Variants in GREB1L observed in about 807,000 individuals in gnomAD.
GREB1L encodes the protein GREB1 like retinoic acid receptor coactivator.
A neutral mutation model predicts 200.8 loss-of-function variants in GREB1L; 17 were observed. The ratio of observed to expected loss-of-function variants is 0.08; its 90% CI spans 0.06 to 0.13. The LOEUF is 0.13. Among genes scored for constraint, GREB1L ranks in the 10% least tolerant of loss-of-function variants. The pLI is 1.00. For synonymous variants in GREB1L, 789 were observed against 893.0 expected, an observed-to-expected ratio of 0.88 and a Z score of 2.08; for missense variants, 1,657 against 2,367.7, an observed-to-expected ratio of 0.70 and a Z score of 6.23.
intron 1 of GREB1L, among the ~76,000 whole-genome samples, chr18:21,322,679 A>G (rs1031256613): frequency 6.6e-6 from 1 of 152,170 alleles, no homozygotes; most frequent in Non-Finnish European, 1.5e-5. Flanking sequence ...ATCTAAAGCT[A>G]TGATAAATAT....
chr18:21,258,993 A>T (rs1349638456), intron 1 of GREB1L, among the ~76,000 whole-genome samples: 1 of 152,202 alleles, frequency 6.6e-6, no homozygotes, highest in Non-Finnish European at 1.5e-5. Flanking sequence ...AGATGTTACA[A>T]TTCATATTGC....
intron 1 of GREB1L, among the ~76,000 whole-genome samples, chr18:21,357,195 C>T (rs1325718534): frequency 6.6e-6 from 1 of 152,168 alleles, no homozygotes; most frequent in Non-Finnish European, 1.5e-5. Flanking sequence ...GCTGGGACTA[C>T]AGGTGCATAC....
intron 7 of GREB1L, among the ~76,000 whole-genome samples, chr18:21,417,217 T>G (rs2144800057): frequency 6.6e-6 from 1 of 152,118 alleles, no homozygotes; most frequent in Middle Eastern, 3.4e-3. Flanking sequence ...CCTAGAATTC[T>G]ATACCCAATA....
intron 11 of GREB1L, among the ~76,000 whole-genome samples, chr18:21,447,779 T>A (rs181067403): frequency 1.3e-5 from 2 of 152,180 alleles, no homozygotes; most frequent in Non-Finnish European, 2.9e-5. Flanking sequence ...TGATGCCAAT[T>A]TGATAAAGCT....
intron 1 of GREB1L, among the ~76,000 whole-genome samples, chr18:21,287,167 G>A (rs182100740): frequency 6.0e-4 from 91 of 150,846 alleles, no homozygotes; most frequent in African/African-American, 2.1e-3. Flanking sequence ...TGAGTTTTTT[G>A]TTTGTTTCGA....
At chr18:21,277,400 T>C (rs1415508588) in intron 1 of GREB1L, among the ~76,000 whole-genome samples, 2 of 152,216 alleles carry the variant, frequency 1.3e-5, no homozygotes, top group Non-Finnish European at 2.9e-5. Flanking sequence ...GAGTTGGCTT[T>C]TGCCTCATTC....
chr18:21,417,075 A>T (rs1362220930), intron 7 of GREB1L, among the ~76,000 whole-genome samples: 2 of 152,138 alleles, frequency 1.3e-5, no homozygotes, highest in Admixed American at 1.3e-4. Flanking sequence ...GCAATGGTAA[A>T]GAGAAAAATC....
intron 1 of GREB1L, among the ~76,000 whole-genome samples, chr18:21,288,560 T>C (rs113263637): frequency 2.6e-5 from 4 of 152,340 alleles, no homozygotes; most frequent in African/African-American, 9.6e-5. Context: ...TTTTATAGTT[T>C]GTCCCCAATC....
chr18:21,341,680 A>G (rs2039272405), intron 1 of GREB1L, among the ~76,000 whole-genome samples: 1 of 152,156 alleles, frequency 6.6e-6, no homozygotes, highest in Admixed American at 6.5e-5. Flanking sequence ...GCTACTTATT[A>G]TAATTTTTAA....
At chr18:21,303,565 A>G (rs1297690165) in intron 1 of GREB1L, among the ~76,000 whole-genome samples, 3 of 152,198 alleles carry the variant, frequency 2.0e-5, no homozygotes, top group Admixed American at 2.0e-4. Context: ...CAAAGGTGTG[A>G]TGTTAGTTTT....
intron 1 of GREB1L, among the ~76,000 whole-genome samples, chr18:21,322,172 G>A (rs758166397): frequency 1.3e-5 from 2 of 152,184 alleles, no homozygotes; most frequent in African/African-American, 4.8e-5. Flanking sequence ...AGTAAGTAGC[G>A]TATATGTATA....
Position 21,520,786 on chromosome 18 carries a change from T to C in GREB1L, c.5571T>C (p.Phe1857=). 1 of 1,413,302 alleles carries C rather than the reference T, an allele frequency of 7.1e-7. No individual in the cohort carries two copies. Among genetic ancestry groups the C allele is most frequent in the Non-Finnish European group, 9.2e-7 (1 of 1,086,090 alleles). The allele number at this position is 1,413,302 out of a possible 1,614,324, so 87.5% of individuals were successfully genotyped here. A position where few individuals can be genotyped will look rare whatever the true frequency, so the allele number is the denominator to read the frequency against. ...SGLLLYLCDS[F]VGADLKKFKF... is the part of the protein sequence containing the mutation. Reference sequence around the variant, plus strand: ...TCCTTTTGTACCTCTGTGACTCTTTTGTAGGTGCTGATCTTAAGAAATTTA... The same window carrying C: ...TCCTTTTGTACCTCTGTGACTCTTTCGTAGGTGCTGATCTTAAGAAATTTA... Residue 1857 remains phenylalanine (F), a synonymous_variant, in exon 32 of 33, where the codon TTT becomes TTC. Transcript: ENST00000424526.
At chr18:21,390,790 C>T (rs1013965160) in intron 4 of GREB1L, among the ~76,000 whole-genome samples, 36 of 152,096 alleles carry the variant, frequency 2.4e-4, no homozygotes, top group African/African-American at 8.5e-4. Context: ...CCGCCTTGGC[C>T]TCCCAAAGTG....
At chr18:21,254,452 G>T (rs1307365712) in intron 1 of GREB1L, among the ~76,000 whole-genome samples, 1 of 151,816 alleles carries the variant, frequency 6.6e-6, no homozygotes, top group African/African-American at 2.4e-5. Flanking sequence ...ACATTGTTTT[G>T]TATCATTCTA....
In GREB1L at chr18:21,508,528, C is replaced by T. The variant is rs1045574508; in HGVS notation, c.4672C>T (p.Arg1558Cys). The change falls in exon 27 of 33, where the codon CGC (arginine) becomes TGC (cysteine). Residue 1558 changes from arginine to cysteine, a missense_variant. By Grantham distance (180) the Arg-to-Cys change is radical. Coordinates refer to ENST00000424526, the MANE Select transcript of GREB1L (RefSeq NM_001142966.3). ...CAAAGAGTATGAGATGCCTCTGTAC[C>T]GCAAGTACTGGCCCAACCACATCAT... ...VVKEYEMPLY[R>C]KYWPNHIMLV... 6.4e-6 allele frequency: 10 copies of T among 1,551,732 alleles called. No individual in the cohort carries two copies. The African/African-American group carries it at 8.2e-5, about 13-fold the overall frequency.
intron 23 of GREB1L, 24 bp from the exon 24 acceptor site, chr18:21,505,388 C>T (rs1235105928): frequency 6.5e-7 from 1 of 1,546,386 alleles, no homozygotes; most frequent in Non-Finnish European, 8.7e-7. Context: ...GTCACCTGCT[C>T]TGCACACTTC....
Position 21,356,343 on chromosome 18 carries a change from G to GC in GREB1L, c.-119-9680dup, listed in dbSNP as rs1308285328. ...AACATCTCAACCTATTCCCAGTCCA[G>GC]CCCCTGATAACTGTCATTTGACTTT... is the stretch of plus-strand genomic sequence containing the variant. On this transcript the variant is annotated intron_variant, in intron 1 of 32. Transcript: ENST00000424526. Among the ~76,000 whole-genome samples the GC allele has an allele frequency of 5.3e-5, 8 of 152,118 alleles. No individual in the cohort carries two copies. The East Asian group carries it at 1.5e-3, about 29-fold the overall frequency.
At chr18:21,257,123 T>C (rs2037812312) in intron 1 of GREB1L, among the ~76,000 whole-genome samples, 1 of 152,128 alleles carries the variant, frequency 6.6e-6, no homozygotes, top group Admixed American at 6.6e-5. Context: ...GTTGCTACTA[T>C]GCCCGGCTAA....
At position 21,496,530 on chromosome 18, in the gene GREB1L, C is replaced by A. The variant is rs778234546; in HGVS notation, c.3223C>A (p.Leu1075Met). The change falls in exon 21 of 33, where the codon CTG becomes ATG. Residue 1075 changes from leucine (L) to methionine (M), a missense_variant. This residue lies in a region of GREB1L where 512 missense variants were observed against 668.3 expected (regional missense o/e 0.77). Coordinates refer to ENST00000424526, the MANE Select transcript of GREB1L (RefSeq NM_001142966.3). ...CACGGCCTTGGAGCAGGAGGTGGGT[C>A]TGGCATGCTGCTATGTCTCAAAAGA... ...TRTALEQEVG[L>M]ACCYVSKEVI... 5.8e-6 allele frequency: 9 copies of A among 1,551,560 alleles called. No individual in the cohort carries two copies. Among genetic ancestry groups the A allele is most frequent in the African/African-American group, 1.4e-5 (1 of 73,026 alleles).
Sources: allele counts gnomAD v4.1 joint callset (sites outside exome capture counted in the v4.1 genomes callset), GRCh38; gene constraint gnomAD v4.1.1; regional missense constraint gnomAD v4.1.1; transcripts MANE v1.5; gene names NCBI Gene and HGNC (gene_info 2026-07-23, HGNC 2026-07-21).